ARHGEF11: variants seen among roughly 807,000 people sequenced by gnomAD.
The protein encoded by ARHGEF11 is Rho guanine exchange factor (GEF) 11.
ARHGEF11 carries 55 observed loss-of-function variants against 193.7 expected under a neutral mutation model. The ratio of observed to expected loss-of-function variants is 0.28; its 90% confidence interval spans 0.23 to 0.36. The LOEUF is 0.36. ARHGEF11 is among the 10% of genes least tolerant of loss of function. ARHGEF11 has a pLI of 1.00. For synonymous variants in ARHGEF11, 693 were observed against 768.0 expected (o/e 0.90, Z 1.62); for missense variants, 1,723 against 2,005.6 (o/e 0.86, Z 2.69).
At chr1:157,012,218 A>G (rs1298410158) in intron 1 of ARHGEF11, among the ~76,000 whole-genome samples, 1 of 152,238 alleles carries the variant, frequency 6.6e-6, no homozygotes, top group African/African-American at 2.4e-5. Flanking sequence ...GCTAAGTGAA[A>G]GACGCCAGTT....
intron 1 of ARHGEF11, among the ~76,000 whole-genome samples, chr1:157,009,261 A>C (rs1327696454): frequency 6.6e-6 from 1 of 152,244 alleles, no homozygotes. Flanking sequence ...TATGCTTCCC[A>C]AATGACTCAG....
At chr1:156,956,263 T>C (rs1257884054) in intron 19 of ARHGEF11, among the ~76,000 whole-genome samples, 157 bp downstream of exon 19, 4 of 152,150 alleles carry the variant, frequency 2.6e-5, no homozygotes, top group South Asian at 4.1e-4. Flanking sequence ...GTTATAGGCA[T>C]GCACCACTAT....
chr1:157,028,694 C>T (rs1410938238), intron 1 of ARHGEF11, among the ~76,000 whole-genome samples: 1 of 152,054 alleles, frequency 6.6e-6, no homozygotes, highest in Non-Finnish European at 1.5e-5. Context: ...CAAATAACCC[C>T]AATTTTTAAA....
intron 1 of ARHGEF11, among the ~76,000 whole-genome samples, chr1:156,986,633 C>T (rs760256217): frequency 1.1e-4 from 17 of 152,124 alleles, no homozygotes; most frequent in Non-Finnish European, 1.5e-4. Flanking sequence ...GAGGGAAGGA[C>T]GAGGTGGGTC....
At chr1:156,973,970 G>C (rs562910879) in intron 7 of ARHGEF11, among the ~76,000 whole-genome samples, 7 of 152,116 alleles carry the variant, frequency 4.6e-5, no homozygotes, top group Non-Finnish European at 1.0e-4. Context: ...AAAGTTCTTT[G>C]ATTAATTCCC....
At chr1:157,026,173 A>C (rs552836649) in intron 1 of ARHGEF11, among the ~76,000 whole-genome samples, 1 of 152,362 alleles carries the variant, frequency 6.6e-6, no homozygotes, top group Non-Finnish European at 1.5e-5. Flanking sequence ...AGACAGCATC[A>C]GTTTTGCATC....
intron 1 of ARHGEF11, among the ~76,000 whole-genome samples, chr1:157,042,500 G>A (rs1672882514): frequency 6.6e-6 from 1 of 152,180 alleles, no homozygotes; most frequent in South Asian, 2.1e-4. Flanking sequence ...AGGCAAGATG[G>A]CACTGGGCAA....
At chr1:156,979,360 A>ATT in intron 4 of ARHGEF11, 74 bp from the exon 5 acceptor site, 6 of 737,718 alleles carry the variant, frequency 8.1e-6, no homozygotes, top group South Asian at 7.8e-5. Flanking sequence ...TCAAAATGCC[A>ATT]CTTTTTTTTT....
intron 1 of ARHGEF11, among the ~76,000 whole-genome samples, chr1:157,003,956 T>C (rs1280765376): frequency 6.6e-6 from 1 of 152,240 alleles, no homozygotes; most frequent in Non-Finnish European, 1.5e-5. Flanking sequence ...ATTATTTTTA[T>C]CACCACCATG....
intron 1 of ARHGEF11, 34 bp from the exon 2 acceptor site, chr1:156,986,207 C>T: frequency 1.3e-5 from 20 of 1,567,248 alleles, no homozygotes; most frequent in Non-Finnish European, 1.8e-5. Flanking sequence ...TGTCAATGAG[C>T]TCAGCAGGGG....
At chr1:157,016,410 G>A (rs1261200713) in intron 1 of ARHGEF11, among the ~76,000 whole-genome samples, 1 of 152,084 alleles carries the variant, frequency 6.6e-6, no homozygotes, top group Non-Finnish European at 1.5e-5. Flanking sequence ...AGTAGAGACA[G>A]GGTTTCACCA....
At chr1:156,995,640 C>T (rs1358383376) in intron 1 of ARHGEF11, among the ~76,000 whole-genome samples, 1 of 150,652 alleles carries the variant, frequency 6.6e-6, no homozygotes, top group Non-Finnish European at 1.5e-5. Flanking sequence ...ACTGCAGCCT[C>T]GACTTCCTGG....
intron 17 of ARHGEF11, among the ~76,000 whole-genome samples, chr1:156,958,094 C>G (rs1660231848): frequency 1.3e-5 from 2 of 152,168 alleles, no homozygotes; most frequent in African/African-American, 4.8e-5. Context: ...ATGGATCTGA[C>G]TTGTATGGAA....
At chr1:157,024,444 A>G (rs1312371215) in intron 1 of ARHGEF11, among the ~76,000 whole-genome samples, 4 of 152,324 alleles carry the variant, frequency 2.6e-5, no homozygotes, top group Middle Eastern at 3.4e-3. Flanking sequence ...ATACATGAAA[A>G]TTCTCAAACT....
chr1:156,938,372 C>T (rs1250740903), intron 38 of ARHGEF11, 46 bp downstream of exon 38: 1 of 1,571,234 alleles, frequency 6.4e-7, no homozygotes, highest in Non-Finnish European at 8.7e-7. Flanking sequence ...ACAGGTTCCA[C>T]ACTCCAGTCT....
chr1:156,998,836 T>C (rs1007910410), intron 1 of ARHGEF11, among the ~76,000 whole-genome samples: 2 of 152,230 alleles, frequency 1.3e-5, no homozygotes, highest in Admixed American at 6.5e-5. Flanking sequence ...ATCAAACTTA[T>C]GTTCAATGAA....
intron 1 of ARHGEF11, among the ~76,000 whole-genome samples, chr1:156,986,389 T>C (rs1364923996): frequency 6.6e-6 from 1 of 152,138 alleles, no homozygotes; most frequent in Non-Finnish European, 1.5e-5. Flanking sequence ...GCATGATCTC[T>C]TTAATACCCA....
At chr1:156,943,217 T>C (rs966230672) in intron 32 of ARHGEF11, among the ~76,000 whole-genome samples, 2 of 152,084 alleles carry the variant, frequency 1.3e-5, no homozygotes, top group African/African-American at 4.8e-5. Context: ...CCTGCCAACA[T>C]GCCTGGCTAA....
intron 15 of ARHGEF11, among the ~76,000 whole-genome samples, 189 bp downstream of exon 15, chr1:156,960,229 G>T (rs1660630945): frequency 6.6e-6 from 1 of 152,166 alleles, no homozygotes; most frequent in African/African-American, 2.4e-5. Flanking sequence ...GGCAGGGTCT[G>T]TCCCATTTGC....
Sources: allele counts gnomAD v4.1 joint callset (sites outside exome capture counted in the v4.1 genomes callset), GRCh38; gene constraint gnomAD v4.1.1; transcripts MANE v1.5; gene names NCBI Gene and HGNC (gene_info 2026-07-23, HGNC 2026-07-21).